Variants in NRG1 observed in about 807,000 individuals in gnomAD.
The protein encoded by NRG1 is pro-neuregulin-1, membrane-bound isoform.
NRG1 carries 18 observed loss-of-function variants against 63.8 expected under a neutral mutation model. The ratio of observed to expected loss-of-function variants is 0.28; its 90% CI spans 0.19 to 0.42. The LOEUF is 0.42. Among genes scored for constraint, NRG1 ranks in the 10% least tolerant of loss-of-function variants. NRG1 has a pLI of 1.00. For missense variants in NRG1, 762 were observed against 814.7 expected, an observed-to-expected ratio of 0.94 and a Z score of 0.79; for synonymous variants, 302 against 301.3, an observed-to-expected ratio of 1.00 and a Z score of -0.02.
At chr8:31,829,747 G>T (rs1439671148) in intron 1 of NRG1, among the ~76,000 whole-genome samples, 2 of 152,182 alleles carry the variant, frequency 1.3e-5, no homozygotes, top group Admixed American at 1.3e-4. Flanking sequence ...ACCATACGTA[G>T]GAACCTGCTT....
At chr8:31,759,569 C>T (rs1041738846) in intron 1 of NRG1, among the ~76,000 whole-genome samples, 2 of 152,018 alleles carry the variant, frequency 1.3e-5, no homozygotes, top group Non-Finnish European at 2.9e-5. Context: ...TATTGATGGA[C>T]TCCATATTTT....
chr8:32,142,784 T>G (rs754691871), intron 1 of NRG1, among the ~76,000 whole-genome samples: 2 of 152,332 alleles, frequency 1.3e-5, no homozygotes, highest in Admixed American at 6.5e-5. Flanking sequence ...GAAATAAATG[T>G]TTTAAAAATA....
intron 7 of NRG1, among the ~76,000 whole-genome samples, chr8:32,744,227 A>G (rs1360763993): frequency 6.6e-6 from 1 of 152,142 alleles, no homozygotes; most frequent in Admixed American, 6.6e-5. Context: ...TCTATAATGT[A>G]TAATGTTAAG....
chr8:32,713,863 C>T (rs887841362), intron 5 of NRG1, among the ~76,000 whole-genome samples: 9 of 150,670 alleles, frequency 6.0e-5, no homozygotes, highest in African/African-American at 2.2e-4. Flanking sequence ...CTCGCTCTGT[C>T]ACCCTGGCTG....
intron 1 of NRG1, among the ~76,000 whole-genome samples, chr8:32,362,889 G>C (rs923725466): frequency 6.6e-6 from 1 of 152,104 alleles, no homozygotes; most frequent in Non-Finnish European, 1.5e-5. Flanking sequence ...AGAACATTGG[G>C]AGCCTGAAGC....
intron 1 of NRG1, among the ~76,000 whole-genome samples, chr8:32,466,978 C>T (rs1823149033): frequency 6.6e-6 from 1 of 152,060 alleles, no homozygotes; most frequent in African/African-American, 2.4e-5. Flanking sequence ...ACAGCAACCC[C>T]TCAGGATTTC....
At chr8:32,174,022 A>G (rs1054519138) in intron 1 of NRG1, among the ~76,000 whole-genome samples, 1 of 152,200 alleles carries the variant, frequency 6.6e-6, no homozygotes, top group Admixed American at 6.5e-5. Flanking sequence ...TCCACCCCAA[A>G]TCAACAGAAT....
chr8:31,749,736 GAT>G (rs35399357), intron 1 of NRG1, among the ~76,000 whole-genome samples: 108,931 of 146,506 alleles, frequency 0.74, 40,548 homozygotes, highest in East Asian at 0.97. Context: ...TGATATATAT[GAT>G]ATATATATAT....
intron 1 of NRG1, among the ~76,000 whole-genome samples, chr8:31,777,571 G>T (rs953541287): frequency 6.6e-6 from 1 of 152,190 alleles, no homozygotes. Flanking sequence ...TAGTTCATTT[G>T]TGTTACTATA....
intron 1 of NRG1, among the ~76,000 whole-genome samples, chr8:32,154,446 C>G (rs1256008420): frequency 6.6e-6 from 1 of 151,982 alleles, no homozygotes; most frequent in Non-Finnish European, 1.5e-5. Flanking sequence ...TCTCTTCCTT[C>G]CTGGCACCCC....
chr8:31,994,064 G>A (rs564027225), intron 1 of NRG1, among the ~76,000 whole-genome samples: 11 of 152,060 alleles, frequency 7.2e-5, no homozygotes, highest in East Asian at 3.9e-4. Context: ...ATCTTAAAGC[G>A]AGGTACAGGG....
rs112825440 is a variant in NRG1 at position 32,387,196 on chromosome 8, C to T, written c.38-208632C>T. On this transcript the variant is annotated intron_variant, in intron 1 of 10. Coordinates refer to the NRG1 transcript ENST00000519301. ...CCTGCAAAATAAGAGTAGGATATAG[C>T]AAGACACATTTCTTATTCTTCTGAC... is the stretch of plus-strand genomic sequence containing the variant. Among the ~76,000 whole-genome samples the T allele has an allele frequency of 2.3e-3, 344 of 152,234 alleles. 3 individuals are homozygous for T. The highest frequency in any genetic ancestry group is 8.1e-3 in the African/African-American group (335 of 41,530).
At chr8:32,541,196 C>A (rs1367282123) in intron 1 of NRG1, among the ~76,000 whole-genome samples, 2 of 151,786 alleles carry the variant, frequency 1.3e-5, no homozygotes, top group African/African-American at 4.8e-5. Flanking sequence ...GCTTTCACCT[C>A]GAAACTAAAA....
intron 1 of NRG1, among the ~76,000 whole-genome samples, chr8:31,858,493 C>T (rs1293415427): frequency 6.6e-6 from 1 of 152,148 alleles, no homozygotes; most frequent in Non-Finnish European, 1.5e-5. Context: ...CAAACAATTT[C>T]TCAATCAGAT....
chr8:32,400,047 G>C (rs1167651073), intron 1 of NRG1, among the ~76,000 whole-genome samples: 1 of 152,122 alleles, frequency 6.6e-6, no homozygotes, highest in African/African-American at 2.4e-5. Context: ...ATTGTTTTGA[G>C]GTACCAATAC....
chr8:31,690,725 A>C (rs1809415432), intron 1 of NRG1, among the ~76,000 whole-genome samples: 1 of 152,202 alleles, frequency 6.6e-6, no homozygotes, highest in African/African-American at 2.4e-5. Flanking sequence ...AGAGGTTCCA[A>C]GGATGATTTC....
chr8:32,757,562 C>T (rs762157276), intron 9 of NRG1, among the ~76,000 whole-genome samples: 5 of 152,196 alleles, frequency 3.3e-5, no homozygotes, highest in African/African-American at 1.2e-4. Flanking sequence ...GGTTAACACA[C>T]TCTGTTGCCT....
intron 1 of NRG1, among the ~76,000 whole-genome samples, chr8:32,058,200 A>G (rs1231941752): frequency 6.6e-6 from 1 of 152,070 alleles, no homozygotes; most frequent in Non-Finnish European, 1.5e-5. Flanking sequence ...ATTGCTCATC[A>G]TGAAATTTTA....
At chr8:32,066,044 T>C (rs1437111907) in intron 1 of NRG1, among the ~76,000 whole-genome samples, 3 of 152,280 alleles carry the variant, frequency 2.0e-5, no homozygotes, top group Admixed American at 6.5e-5. Context: ...TTTGTTTTTT[T>C]CTTGTAAATT....
Sources: gnomAD v4.1 joint callset for allele counts (sites outside exome capture counted in the v4.1 genomes callset) on GRCh38, gnomAD v4.1.1 for gene constraint, MANE v1.5 for transcripts, NCBI Gene and HGNC (gene_info 2026-07-23, HGNC 2026-07-21) for gene names.